Variants in LRRC4C observed in about 807,000 individuals in gnomAD.
LRRC4C encodes leucine-rich repeat-containing protein 4C.
A neutral mutation model predicts 33.6 loss-of-function variants in LRRC4C; 5 were observed. That is an observed-to-expected ratio of 0.15 (90% confidence interval 0.08 to 0.31). The LOEUF (loss-of-function observed/expected upper bound fraction) is 0.31. LRRC4C is among the 10% of genes least tolerant of loss of function. LRRC4C has a pLI of 1.00. For missense variants in LRRC4C, 560 were observed against 796.7 expected (o/e 0.70, Z 3.58); for synonymous variants, 329 against 302.0 (o/e 1.09, Z -0.93).
At chr11:40,705,341 C>A (rs575909922) in intron 2 of LRRC4C, among the ~76,000 whole-genome samples, 2 of 151,860 alleles carry the variant, frequency 1.3e-5, no homozygotes, top group Admixed American at 1.3e-4. Flanking sequence ...TTTCTCCCAA[C>A]GCTATCCCTC....
intron 1 of LRRC4C, among the ~76,000 whole-genome samples, chr11:41,325,580 TGTGTGTGTGTG>T (rs1951091690): frequency 2.2e-5 from 1 of 45,114 alleles, no homozygotes; most frequent in African/African-American, 6.1e-5. Flanking sequence ...TTTTTTTTTG[TGTGTGTGTGTG>T]TGTGTGTGTG....
chr11:40,202,853 C>G (rs756170117), intron 5 of LRRC4C, among the ~76,000 whole-genome samples: 1 of 152,176 alleles, frequency 6.6e-6, no homozygotes, highest in Non-Finnish European at 1.5e-5. Context: ...TTTCCCTGAC[C>G]TAACATCCTG....
At chr11:40,192,809 C>G (rs1196105083) in intron 5 of LRRC4C, among the ~76,000 whole-genome samples, 2 of 152,126 alleles carry the variant, frequency 1.3e-5, no homozygotes, top group Non-Finnish European at 2.9e-5. Context: ...AGTCTGTTCT[C>G]CCCTCACAGT....
intron 1 of LRRC4C, among the ~76,000 whole-genome samples, chr11:41,243,661 A>T (rs943297694): frequency 1.3e-5 from 2 of 152,134 alleles, no homozygotes; most frequent in African/African-American, 2.4e-5. Context: ...GGTGAATGTG[A>T]TGACTGAAGT....
At chr11:40,858,697 A>T (rs960826993) in intron 2 of LRRC4C, among the ~76,000 whole-genome samples, 3 of 146,298 alleles carry the variant, frequency 2.1e-5, no homozygotes, top group Admixed American at 8.3e-5. Flanking sequence ...CTTCTTAAAA[A>T]AAAAAAAAAA....
chr11:41,071,215 C>T (rs1483950651), intron 1 of LRRC4C, among the ~76,000 whole-genome samples: 1 of 151,956 alleles, frequency 6.6e-6, no homozygotes, highest in African/African-American at 2.4e-5. Flanking sequence ...CACATGGACA[C>T]AGGGAGGGGA....
At position 40,272,526 on chromosome 11, in the gene LRRC4C, T is replaced by C. The variant is rs184774379; in HGVS notation, c.-175-30928A>G. 8.5e-5 allele frequency among the ~76,000 whole-genome samples: 13 copies of C among 152,220 alleles called. No individual in the cohort carries two copies. In the East Asian group the frequency reaches 2.5e-3, roughly 29 times the overall value. The stretch of plus-strand genomic sequence containing the variant: ...AGAGATTCTTGAAAAATTACATGCA[T>C]GAAGGAGAGGAGGGAGGGTAAATTT... On this transcript the variant is annotated intron_variant, in intron 4 of 6. Transcript: ENST00000528697.
At chr11:40,161,449 G>T (rs1478435827) in intron 5 of LRRC4C, among the ~76,000 whole-genome samples, 1 of 152,138 alleles carries the variant, frequency 6.6e-6, no homozygotes, top group Non-Finnish European at 1.5e-5. Context: ...AATACATTTA[G>T]GAGTTATTTG....
intron 1 of LRRC4C, among the ~76,000 whole-genome samples, chr11:41,358,479 G>A (rs1423659844): frequency 6.6e-6 from 1 of 152,128 alleles, no homozygotes; most frequent in Non-Finnish European, 1.5e-5. Context: ...GAAACTGGGA[G>A]AAAGTATTTG....
At chr11:40,377,414 C>T (rs187998945) in intron 3 of LRRC4C, among the ~76,000 whole-genome samples, 1 of 152,116 alleles carries the variant, frequency 6.6e-6, no homozygotes, top group East Asian at 1.9e-4. Flanking sequence ...CAATATTTTC[C>T]CCACGCATGT....
Position 41,058,444 on chromosome 11 carries a change from G to C in LRRC4C, c.-495-124721C>G, listed in dbSNP as rs551243465. Among the ~76,000 whole-genome samples the C allele has an allele frequency of 5.5e-4, 83 of 152,224 alleles. 1 individual carries two copies. The highest frequency in any genetic ancestry group is 8.4e-4 in the Non-Finnish European group (57 of 68,042). On this transcript the variant is annotated intron_variant, in intron 1 of 6. Transcript: ENST00000528697. ...ACTGTTCCATGCCTGACTTGCCCTTGGCAGGCATGGGACCCAAGCAGGTAG... is the reference window on the plus strand; with the variant it reads ...ACTGTTCCATGCCTGACTTGCCCTTCGCAGGCATGGGACCCAAGCAGGTAG...
rs112179569 is a variant in LRRC4C, at chr11:41,260,312, T to C, written c.-496+199119A>G. Among the ~76,000 whole-genome samples, 846 of 152,060 alleles carry C rather than the reference T, an allele frequency of 5.6e-3. 4 individuals are homozygous for C. The highest frequency in any genetic ancestry group is 0.018 in the African/African-American group (759 of 41,498). ...AGTTAATGGCTTGGAAAATAGGATA[T>C]GTGAAGGAAGCTTTAAAGACACTGG... On this transcript the variant is annotated intron_variant, in intron 1 of 6. Coordinates refer to ENST00000528697, the MANE Select transcript of LRRC4C (RefSeq NM_001258419.2).
intron 1 of LRRC4C, among the ~76,000 whole-genome samples, chr11:41,440,047 G>C (rs906361362): frequency 2.0e-5 from 3 of 152,016 alleles, no homozygotes; most frequent in African/African-American, 7.2e-5. Flanking sequence ...AGCCTTAGTC[G>C]TAAATTCTTT....
chr11:40,458,819 G>T (rs1952254660), intron 3 of LRRC4C, among the ~76,000 whole-genome samples: 1 of 152,000 alleles, frequency 6.6e-6, no homozygotes, highest in Non-Finnish European at 1.5e-5. Context: ...CCTTCACTTG[G>T]CTTCAAAGAG....
At chr11:40,151,052 C>T (rs1427845723) in intron 5 of LRRC4C, among the ~76,000 whole-genome samples, 2 of 152,152 alleles carry the variant, frequency 1.3e-5, no homozygotes, top group African/African-American at 4.8e-5. Context: ...GTCAAGGGAT[C>T]ACCTCCACCT....
chr11:40,901,999 TACACACA>T lies in LRRC4C; in HGVS notation c.-407+31629_-407+31635del, dbSNP rs1956225377. On this transcript the variant is annotated intron_variant, in intron 2 of 6. Transcript: ENST00000528697. ...AAGACAATCTCTCTCTCTCTCTCTC[TACACACA>T]CACACACACACACACACACACACAC... Among the ~76,000 whole-genome samples the T allele has an allele frequency of 5.0e-5, 7 of 139,842 alleles. No individual in the cohort carries two copies. In the South Asian group the frequency reaches 1.4e-3, roughly 28 times the overall value. The allele number at this position is 139,842 out of a possible 152,430, so 91.7% of individuals were successfully genotyped here. A position where few individuals can be genotyped will look rare whatever the true frequency, so the allele number is the denominator to read the frequency against.
chr11:40,147,238 A>G (rs1857814023), intron 5 of LRRC4C, among the ~76,000 whole-genome samples: 1 of 152,112 alleles, frequency 6.6e-6, no homozygotes, highest in Non-Finnish European at 1.5e-5. Flanking sequence ...CAGCCTCATG[A>G]CATCATTACT....
chr11:40,898,815 T>C (rs1956083131), intron 2 of LRRC4C, among the ~76,000 whole-genome samples: 1 of 151,656 alleles, frequency 6.6e-6, no homozygotes, highest in Non-Finnish European at 1.5e-5. Context: ...CCAATTAAAC[T>C]GGATTTTAAG....
chr11:40,365,627 A>AT (rs140543276), intron 3 of LRRC4C, among the ~76,000 whole-genome samples: 3,919 of 151,868 alleles, frequency 0.026, 156 homozygotes, highest in African/African-American at 0.088. Flanking sequence ...AGGGCTAAAC[A>AT]TTTTTTTTAA....
Sources: gnomAD v4.1 joint callset for allele counts (sites outside exome capture counted in the v4.1 genomes callset) on GRCh38, gnomAD v4.1.1 for gene constraint, MANE v1.5 for transcripts, NCBI Gene and HGNC (gene_info 2026-07-23, HGNC 2026-07-21) for gene names.